PEBP4: variants seen among roughly 807,000 people sequenced by gnomAD.
PEBP4 encodes the protein phosphatidylethanolamine-binding protein 4.
A neutral mutation model predicts 23.9 loss-of-function variants in PEBP4; 22 were observed. The ratio of observed to expected loss-of-function variants is 0.92; its 90% CI spans 0.66 to 1.31. The LOEUF (loss-of-function observed/expected upper bound fraction) is 1.31. Ranked by LOEUF, PEBP4 falls within the 40% of genes most tolerant of loss-of-function variation. The pLI, the probability that PEBP4 is intolerant of heterozygous loss-of-function variation, is 0.00. For synonymous variants in PEBP4, 112 were observed against 99.3 expected (o/e 1.13, Z -0.76); for missense variants, 324 against 281.7 (o/e 1.15, Z -1.07).
At chr8:22,787,929 G>C (rs1806059539) in intron 4 of PEBP4, among the ~76,000 whole-genome samples, 1 of 152,132 alleles carries the variant, frequency 6.6e-6, no homozygotes, top group Non-Finnish European at 1.5e-5. Flanking sequence ...GGGAAGGGAA[G>C]GGTTTACGTT....
intron 5 of PEBP4, among the ~76,000 whole-genome samples, chr8:22,725,997 ATATG>A (rs1222520375): frequency 1.6e-4 from 13 of 79,958 alleles, no homozygotes; most frequent in African/African-American, 4.7e-4. Flanking sequence ...CAGATCAGAT[ATATG>A]TGTGTGTGTG....
chr8:22,916,490 A>G (rs1403243545), intron 3 of PEBP4, among the ~76,000 whole-genome samples: 1 of 139,714 alleles, frequency 7.2e-6, no homozygotes, highest in Admixed American at 7.1e-5. Flanking sequence ...TTCCCCACCC[A>G]CCCCCCAGCT....
chr8:22,848,557 G>A (rs1016792473), intron 3 of PEBP4, among the ~76,000 whole-genome samples: 4 of 152,316 alleles, frequency 2.6e-5, no homozygotes, highest in African/African-American at 9.6e-5. Flanking sequence ...TGACGGTGCT[G>A]TCAGCTCTGC....
chr8:22,830,464 C>T (rs1180168577), intron 3 of PEBP4, among the ~76,000 whole-genome samples: 1 of 152,100 alleles, frequency 6.6e-6, no homozygotes, highest in Admixed American at 6.6e-5. Context: ...CTTCTTTTAT[C>T]ACCCTAACCT....
intron 4 of PEBP4, among the ~76,000 whole-genome samples, chr8:22,798,201 G>A (rs1806304641): frequency 6.6e-6 from 1 of 152,200 alleles, no homozygotes; most frequent in East Asian, 1.9e-4. Context: ...TTATTTTCTG[G>A]GTTTTATGAT....
rs140711810 is a variant in PEBP4 at position 22,849,454 on chromosome 8, G to A, written c.259-31719C>T. Among the ~76,000 whole-genome samples the A allele has an allele frequency of 4.8e-3, 727 of 152,358 alleles. 4 individuals are homozygous for A. The highest frequency in any genetic ancestry group is 8.7e-3 in the Non-Finnish European group (592 of 68,026). On this transcript the variant is annotated intron_variant, in intron 3 of 6. Transcript: ENST00000256404. ...CCTGAGGTCAGTTAGAGGGCAGAAG[G>A]AGAGGGTGGAAGACATGGCAACTTG...
intron 4 of PEBP4, among the ~76,000 whole-genome samples, chr8:22,783,242 G>A (rs1805963421): frequency 6.6e-6 from 1 of 152,204 alleles, no homozygotes; most frequent in Admixed American, 6.5e-5. Flanking sequence ...TGAGAATAAG[G>A]GAGTGATGCT....
chr8:22,825,356 G>C (rs1457129293), intron 3 of PEBP4, among the ~76,000 whole-genome samples: 2 of 152,198 alleles, frequency 1.3e-5, no homozygotes, highest in African/African-American at 4.8e-5. Flanking sequence ...GACCATGGCA[G>C]CCCATTCTTT....
intron 6 of PEBP4, among the ~76,000 whole-genome samples, chr8:22,720,315 G>T (rs1167471588): frequency 1.3e-5 from 2 of 152,222 alleles, no homozygotes; most frequent in Non-Finnish European, 1.5e-5. Flanking sequence ...AGCCTTGTGG[G>T]GTTGTTCTAG....
chr8:22,766,564 C>T (rs1250626259), intron 4 of PEBP4, among the ~76,000 whole-genome samples: 1 of 152,216 alleles, frequency 6.6e-6, no homozygotes, highest in East Asian at 1.9e-4. Context: ...TGCACCACAT[C>T]TCTGCGATGA....
Position 22,801,239 on chromosome 8 carries a change from G to A in PEBP4, c.357+16398C>T, listed in dbSNP as rs986603915. Among the ~76,000 whole-genome samples the A allele has an allele frequency of 2.6e-5, 4 of 152,172 alleles. No individual in the cohort carries two copies. In the East Asian group the frequency reaches 7.7e-4, roughly 29 times the overall value. ...GGGGAGGGCTGGGGAGAGACTTCAG[G>A]TTGACAGGCATGATCTCACTTGAGC... On this transcript the variant is annotated intron_variant, in intron 4 of 6. Transcript: ENST00000256404.
intron 6 of PEBP4, among the ~76,000 whole-genome samples, chr8:22,713,953 A>G (rs2280107): frequency 0.19 from 29,627 of 152,222 alleles, 3,391 homozygotes; most frequent in African/African-American, 0.31. Context: ...GGCTTCACCC[A>G]CTACTTTCCT....
intron 3 of PEBP4, among the ~76,000 whole-genome samples, chr8:22,866,391 G>A (rs1428973312): frequency 6.6e-6 from 1 of 152,178 alleles, no homozygotes; most frequent in Admixed American, 6.5e-5. Flanking sequence ...GAGATGAACA[G>A]CCACTCTCTG....
intron 4 of PEBP4, among the ~76,000 whole-genome samples, chr8:22,806,204 T>A (rs1202576239): frequency 6.6e-6 from 1 of 152,208 alleles, no homozygotes; most frequent in East Asian, 1.9e-4. Context: ...AAATTTAAAT[T>A]TCTCAATGCA....
chr8:22,740,394 C>T (rs1294999956), intron 4 of PEBP4, among the ~76,000 whole-genome samples: 1 of 152,156 alleles, frequency 6.6e-6, no homozygotes, highest in Non-Finnish European at 1.5e-5. Flanking sequence ...CAGCAGTGTG[C>T]CCTGGGAGCT....
chr8:22,930,811 C>T (rs993717426), upstream of PEBP4, among the ~76,000 whole-genome samples: 3 of 152,280 alleles, frequency 2.0e-5, no homozygotes, highest in Admixed American at 2.0e-4. Context: ...CGTGTTCAAG[C>T]TTGCGGAGTG....
chr8:22,815,859 G>A (rs1374099790), intron 4 of PEBP4, among the ~76,000 whole-genome samples: 1 of 152,160 alleles, frequency 6.6e-6, no homozygotes, highest in African/African-American at 2.4e-5. Context: ...GGAGTCGGGG[G>A]TCTTCAGGCT....
At chr8:22,917,982 C>A (rs1809113149) in intron 3 of PEBP4, among the ~76,000 whole-genome samples, 1 of 152,246 alleles carries the variant, frequency 6.6e-6, no homozygotes, top group Non-Finnish European at 1.5e-5. Flanking sequence ...TGGATCCAGC[C>A]TCGCCTGAAG....
chr8:22,923,503 G>A (rs940268432), intron 2 of PEBP4, among the ~76,000 whole-genome samples: 3 of 152,084 alleles, frequency 2.0e-5, no homozygotes, highest in South Asian at 4.2e-4. Flanking sequence ...GGAGGTCAAG[G>A]TTGCAGTGAG....
Sources: allele counts gnomAD v4.1 joint callset (sites outside exome capture counted in the v4.1 genomes callset), GRCh38; gene constraint gnomAD v4.1.1; transcripts MANE v1.5; gene names NCBI Gene and HGNC (gene_info 2026-07-23, HGNC 2026-07-21).